The following NXPH2 variants were observed in gnomAD, a reference collection of about 807,000 sequenced individuals.
NXPH2 encodes the protein neurexophilin-2.
NXPH2 carries 5 observed loss-of-function variants against 19.8 expected under a neutral mutation model. That is an observed-to-expected ratio of 0.25 (90% CI 0.13 to 0.53). NXPH2 has a LOEUF of 0.53. Among genes scored for constraint, NXPH2 ranks in the 20% least tolerant of loss-of-function variants. NXPH2 has a pLI of 0.96. For missense variants in NXPH2, 289 were observed against 322.8 expected, an observed-to-expected ratio of 0.90 and a Z score of 0.80; for synonymous variants, 154 against 127.4, an observed-to-expected ratio of 1.21 and a Z score of -1.41.
intron 1 of NXPH2, among the ~76,000 whole-genome samples, chr2:138,682,236 C>T (rs1340878661): frequency 6.6e-6 from 1 of 152,120 alleles, no homozygotes; most frequent in African/African-American, 2.4e-5. Flanking sequence ...ATTCAGCATA[C>T]CATTAAATTT....
At chr2:138,756,606 C>G (rs1029365535) in intron 1 of NXPH2, among the ~76,000 whole-genome samples, 1 of 152,068 alleles carries the variant, frequency 6.6e-6, no homozygotes, top group Non-Finnish European at 1.5e-5. Context: ...TTTTATCAAT[C>G]CACAATAATA....
chr2:138,719,154 C>T (rs995884070), intron 1 of NXPH2, among the ~76,000 whole-genome samples: 2 of 151,884 alleles, frequency 1.3e-5, no homozygotes, highest in Non-Finnish European at 2.9e-5. Flanking sequence ...CAAAGTAGAG[C>T]TATATAATGG....
At chr2:138,774,669 A>G (rs1682232256) in intron 1 of NXPH2, among the ~76,000 whole-genome samples, 1 of 152,198 alleles carries the variant, frequency 6.6e-6, no homozygotes, top group Admixed American at 6.5e-5. Flanking sequence ...ACAGGTGCAC[A>G]TGTGCACACA....
At chr2:138,701,331 T>C (rs991788628) in intron 1 of NXPH2, among the ~76,000 whole-genome samples, 1 of 152,082 alleles carries the variant, frequency 6.6e-6, no homozygotes, top group African/African-American at 2.4e-5. Context: ...ATGTAAGCCA[T>C]AAATAAGTGA....
chr2:138,733,268 A>G (rs1681479041), intron 1 of NXPH2, among the ~76,000 whole-genome samples: 1 of 152,226 alleles, frequency 6.6e-6, no homozygotes, highest in African/African-American at 2.4e-5. Flanking sequence ...TATTTAAAGA[A>G]ATCAAGATAA....
chr2:138,758,387 A>G (rs561993225), intron 1 of NXPH2, among the ~76,000 whole-genome samples: 1 of 152,184 alleles, frequency 6.6e-6, no homozygotes, highest in Non-Finnish European at 1.5e-5. Context: ...AAGTCTAAGC[A>G]TAACTGAAAG....
chr2:138,722,069 CAG>C (rs1399189572), intron 1 of NXPH2, among the ~76,000 whole-genome samples: 1 of 152,224 alleles, frequency 6.6e-6, no homozygotes, highest in African/African-American at 2.4e-5. Flanking sequence ...TAATTTCTCT[CAG>C]AAAGTCAGTC....
intron 1 of NXPH2, among the ~76,000 whole-genome samples, chr2:138,705,095 G>A (rs1680987687): frequency 6.6e-6 from 1 of 151,952 alleles, no homozygotes; most frequent in African/African-American, 2.4e-5. Flanking sequence ...CCAAAGTGTT[G>A]GGATAACAGG....
chr2:138,716,749 A>G (rs922794604), intron 1 of NXPH2, among the ~76,000 whole-genome samples: 1 of 152,200 alleles, frequency 6.6e-6, no homozygotes, highest in Non-Finnish European at 1.5e-5. Flanking sequence ...GCGGCATGAC[A>G]CAGTGGAAAA....
chr2:138,733,364 C>T (rs1383389073), intron 1 of NXPH2, among the ~76,000 whole-genome samples: 1 of 152,152 alleles, frequency 6.6e-6, no homozygotes, highest in Non-Finnish European at 1.5e-5. Flanking sequence ...TGAATTTAAA[C>T]AGGGGCTGAA....
At position 138,740,505 on chromosome 2, in the gene NXPH2, T is replaced by C. The variant is rs562418041; in HGVS notation, c.51+39686A>G. On this transcript the variant is annotated intron_variant, in intron 1 of 1. Transcript: ENST00000272641. ...GAATCCGCTAATTAAATTAATTTTATCTAGGGTATATTGCTTAGTCCAATT... is the reference window on the plus strand; with the variant it reads ...GAATCCGCTAATTAAATTAATTTTACCTAGGGTATATTGCTTAGTCCAATT... Among the ~76,000 whole-genome samples the C allele has an allele frequency of 6.3e-4, 96 of 152,304 alleles. 2 individuals carry two copies. In the South Asian group the frequency reaches 0.02, roughly 32 times the overall value.
intron 1 of NXPH2, among the ~76,000 whole-genome samples, chr2:138,741,361 T>TTCCAC (rs924413700): frequency 6.6e-6 from 1 of 152,192 alleles, no homozygotes; most frequent in African/African-American, 2.4e-5. Context: ...CACGAGGAGC[T>TTCCAC]CAGAAATGCT....
intron 1 of NXPH2, among the ~76,000 whole-genome samples, chr2:138,680,402 T>G (rs897750799): frequency 2.6e-5 from 4 of 152,182 alleles, no homozygotes; most frequent in Non-Finnish European, 5.9e-5. Flanking sequence ...CACAAATGTA[T>G]GAGTTCATTT....
intron 1 of NXPH2, among the ~76,000 whole-genome samples, chr2:138,696,725 A>G (rs1480593568): frequency 1.3e-5 from 2 of 152,162 alleles, no homozygotes; most frequent in African/African-American, 2.4e-5. Context: ...CACCTTTACT[A>G]AGATCCAGCA....
intron 1 of NXPH2, among the ~76,000 whole-genome samples, chr2:138,773,481 T>C (rs1217476808): frequency 1.3e-5 from 2 of 152,192 alleles, no homozygotes; most frequent in Non-Finnish European, 2.9e-5. Flanking sequence ...CAGATTTTTA[T>C]ACTAATCAAC....
rs58062083 is a variant in NXPH2, at chr2:138,700,916, A to G, written c.52-29251T>C. On this transcript the variant is annotated intron_variant, in intron 1 of 1. Coordinates refer to ENST00000272641, the MANE Select transcript of NXPH2 (RefSeq NM_007226.3). ...TTTCACATCTGTTCTCATCCCCTGG[A>G]GTCTTGAGCAAGACGTGGTGCTGGA... Among the ~76,000 whole-genome samples, 538 of 152,212 alleles carry G rather than the reference A, an allele frequency of 3.5e-3. 3 individuals are homozygous for G. Among genetic ancestry groups the G allele is most frequent in the African/African-American group, 8.8e-3 (365 of 41,542 alleles).
intron 1 of NXPH2, among the ~76,000 whole-genome samples, chr2:138,726,519 A>AAC (rs57428467): frequency 0.13 from 19,177 of 146,342 alleles, 1,453 homozygotes; most frequent in African/African-American, 0.22. Flanking sequence ...TAAAAAAAGA[A>AAC]ACACACACAC....
chr2:138,731,294 A>G (rs772374859), intron 1 of NXPH2, among the ~76,000 whole-genome samples: 2 of 152,176 alleles, frequency 1.3e-5, no homozygotes, highest in African/African-American at 2.4e-5. Flanking sequence ...TTAGAAAAAA[A>G]TCACTGAAAG....
chr2:138,677,042 C>A (rs1680494732), intron 1 of NXPH2, among the ~76,000 whole-genome samples: 2 of 152,170 alleles, frequency 1.3e-5, no homozygotes, highest in Non-Finnish European at 2.9e-5. Context: ...GCCCTCATTC[C>A]TGAACAGACA....
Sources: allele counts gnomAD v4.1 joint callset (sites outside exome capture counted in the v4.1 genomes callset), GRCh38; gene constraint gnomAD v4.1.1; transcripts MANE v1.5; gene names NCBI Gene and HGNC (gene_info 2026-07-23, HGNC 2026-07-21).